Variants in PDZRN3 observed in about 807,000 individuals in gnomAD.
PDZRN3 encodes the protein PDZ domain containing ring finger 3.
PDZRN3 carries 38 observed loss-of-function variants against 85.7 expected under a neutral mutation model. The observed-to-expected ratio is 0.44, with a 90% CI of 0.34 to 0.58. PDZRN3 has a LOEUF of 0.58. Among genes scored for constraint, PDZRN3 ranks in the 20% least tolerant of loss-of-function variants. The pLI is 0.01. For missense variants in PDZRN3, 1,629 were observed against 1,506.4 expected (o/e 1.08, Z -1.35); for synonymous variants, 759 against 638.0 (o/e 1.19, Z -2.86).
intron 3 of PDZRN3, among the ~76,000 whole-genome samples, chr3:73,501,738 G>A (rs1006754688): frequency 1.7e-4 from 26 of 152,202 alleles, no homozygotes; most frequent in African/African-American, 6.0e-4. Flanking sequence ...TAGAAGGCCA[G>A]GTGTGGTGGC....
At chr3:73,536,008 C>A (rs1317836580) in intron 3 of PDZRN3, among the ~76,000 whole-genome samples, 2 of 152,098 alleles carry the variant, frequency 1.3e-5, no homozygotes, top group East Asian at 1.9e-4. Context: ...TAGACAGGTC[C>A]CCTTAACACA....
intron 6 of PDZRN3, 33 bp from the exon 7 acceptor site, chr3:73,389,911 G>A (rs749136584): frequency 7.9e-6 from 12 of 1,518,102 alleles, no homozygotes; most frequent in Non-Finnish European, 1.1e-5. Context: ...CAGCGCAAAC[G>A]CAGACATGCA....
intron 8 of PDZRN3, among the ~76,000 whole-genome samples, chr3:73,385,996 GAA>G (rs2106674909): frequency 6.6e-6 from 1 of 152,034 alleles, no homozygotes; most frequent in East Asian, 1.9e-4. Context: ...TACATCTGGG[GAA>G]GTCTTTAATA....
At chr3:73,386,125 A>G (rs965297322) in intron 8 of PDZRN3, among the ~76,000 whole-genome samples, 2 of 151,534 alleles carry the variant, frequency 1.3e-5, no homozygotes, top group Non-Finnish European at 2.9e-5. Context: ...TGCTTGCTGG[A>G]CCAGACACGA....
chr3:73,551,894 C>A (rs1701567748), intron 3 of PDZRN3, among the ~76,000 whole-genome samples: 1 of 152,096 alleles, frequency 6.6e-6, no homozygotes, highest in Admixed American at 6.5e-5. Flanking sequence ...CATTATCCTT[C>A]CCCTGTTGTA....
At chr3:73,503,526 T>C (rs139790724) in intron 3 of PDZRN3, among the ~76,000 whole-genome samples, 2 of 152,368 alleles carry the variant, frequency 1.3e-5, no homozygotes, top group Non-Finnish European at 2.9e-5. Flanking sequence ...GAAAGTATTA[T>C]TCCCATTGCT....
chr3:73,465,398 A>T (rs1326555561), intron 3 of PDZRN3, among the ~76,000 whole-genome samples: 1 of 152,178 alleles, frequency 6.6e-6, no homozygotes, highest in African/African-American at 2.4e-5. Flanking sequence ...GTGCCAGAGG[A>T]TGTGATCTGA....
At chr3:73,565,506 A>T (rs1052798463) in intron 3 of PDZRN3, among the ~76,000 whole-genome samples, 1 of 152,112 alleles carries the variant, frequency 6.6e-6, no homozygotes, top group African/African-American at 2.4e-5. Context: ...AGAAGGTTGG[A>T]TGAACTGACA....
chr3:73,500,972 T>C (rs1281275870), intron 3 of PDZRN3, among the ~76,000 whole-genome samples: 1 of 152,206 alleles, frequency 6.6e-6, no homozygotes, highest in Non-Finnish European at 1.5e-5. Flanking sequence ...TGGTCTCCCA[T>C]GACAGACTCT....
chr3:73,511,412 G>A (rs759417314), intron 3 of PDZRN3, among the ~76,000 whole-genome samples: 72 of 152,034 alleles, frequency 4.7e-4, no homozygotes, highest in Non-Finnish European at 9.0e-4. Flanking sequence ...TGGGCCCCCC[G>A]TCTGCATCCT....
chr3:73,518,154 T>G (rs1704287367), intron 3 of PDZRN3, among the ~76,000 whole-genome samples: 1 of 152,246 alleles, frequency 6.6e-6, no homozygotes, highest in Non-Finnish European at 1.5e-5. Context: ...TGATATACAA[T>G]GCCATATTAT....
At chr3:73,605,737 T>G (rs578221167) in intron 2 of PDZRN3, among the ~76,000 whole-genome samples, 36 of 152,334 alleles carry the variant, frequency 2.4e-4, no homozygotes, top group Admixed American at 4.6e-4. Flanking sequence ...GCAGAATACA[T>G]TCAGGTTTCA....
intron 2 of PDZRN3, among the ~76,000 whole-genome samples, chr3:73,607,041 T>A (rs1023803623): frequency 5.3e-5 from 8 of 152,232 alleles, no homozygotes; most frequent in Non-Finnish European, 1.0e-4. Context: ...CTTTCCACAC[T>A]CTGCTTACTT....
chr3:73,548,200 T>C (rs1004279466), intron 3 of PDZRN3, among the ~76,000 whole-genome samples: 1 of 152,070 alleles, frequency 6.6e-6, no homozygotes, highest in Non-Finnish European at 1.5e-5. Flanking sequence ...AGGTGCTACG[T>C]AGAGAGAGAG....
At chr3:73,580,712 C>T (rs1465881183) in intron 3 of PDZRN3, among the ~76,000 whole-genome samples, 3 of 152,228 alleles carry the variant, frequency 2.0e-5, no homozygotes, top group South Asian at 2.1e-4. Flanking sequence ...AATTTCTTGA[C>T]ATCCAGCCTA....
At chr3:73,431,428 C>T (rs892422200) in intron 3 of PDZRN3, among the ~76,000 whole-genome samples, 5 of 152,196 alleles carry the variant, frequency 3.3e-5, no homozygotes, top group African/African-American at 1.2e-4. Flanking sequence ...ATATTTGATC[C>T]TCTTTGTGCT....
intron 3 of PDZRN3, among the ~76,000 whole-genome samples, chr3:73,501,138 CA>C (rs1703970001): frequency 6.6e-6 from 1 of 152,180 alleles, no homozygotes; most frequent in African/African-American, 2.4e-5. Flanking sequence ...AACATTTGGC[CA>C]TAATTAATGA....
At chr3:73,446,617 C>T (rs1702753109) in intron 3 of PDZRN3, among the ~76,000 whole-genome samples, 1 of 152,104 alleles carries the variant, frequency 6.6e-6, no homozygotes, top group African/African-American at 2.4e-5. Flanking sequence ...TTCTTATCTG[C>T]CTGACTCTCT....
intron 3 of PDZRN3, among the ~76,000 whole-genome samples, chr3:73,424,541 C>CAAAAAAAA (rs34550639): frequency 1.8e-5 from 1 of 54,238 alleles, no homozygotes; most frequent in African/African-American, 7.5e-5. Context: ...GACTCCATCT[C>CAAAAAAAA]AAAAAAAAAA....
Sources: allele counts gnomAD v4.1 joint callset (sites outside exome capture counted in the v4.1 genomes callset), GRCh38; gene constraint gnomAD v4.1.1; transcripts MANE v1.5; gene names NCBI Gene and HGNC (gene_info 2026-07-23, HGNC 2026-07-21).